The following SGIP1 variants were observed in gnomAD, a reference collection of about 807,000 sequenced individuals.
The protein encoded by SGIP1 is SH3GL interacting endocytic adaptor 1, also known as SH3-containing GRB2-like protein 3-interacting protein 1.
A neutral mutation model predicts 107.5 loss-of-function variants in SGIP1; 38 were observed. The observed-to-expected ratio is 0.35, with a 90% CI of 0.27 to 0.46. SGIP1 has a LOEUF of 0.46. Among genes scored for constraint, SGIP1 ranks in the 20% least tolerant of loss-of-function variants. SGIP1 has a pLI of 1.00. For synonymous variants in SGIP1, 365 were observed against 366.1 expected, an observed-to-expected ratio of 1.00 and a Z score of 0.03; for missense variants, 929 against 1,019.5, an observed-to-expected ratio of 0.91 and a Z score of 1.21.
chr1:66,610,317 T>A (rs1243263403), intron 1 of SGIP1, among the ~76,000 whole-genome samples: 2 of 152,182 alleles, frequency 1.3e-5, no homozygotes, highest in African/African-American at 4.8e-5. Flanking sequence ...TAGTTACTTA[T>A]TACACATATA....
At chr1:66,671,184 C>T (rs1348106185) in intron 10 of SGIP1, among the ~76,000 whole-genome samples, 165 bp downstream of exon 10, 1 of 152,108 alleles carries the variant, frequency 6.6e-6, no homozygotes, top group East Asian at 1.9e-4. Context: ...TGATAGAGGG[C>T]ACTTGTGGGT....
In SGIP1 at chr1:66,741,277, G is replaced by T. The variant is rs935053825; in HGVS notation, c.2305G>T (p.Gly769Cys). The change falls in exon 24 of 25, where the codon GGT (glycine) becomes TGT (cysteine). Residue 769 changes from glycine to cysteine, a missense_variant. Gly to Cys is a radical substitution (Grantham distance 159, BLOSUM62 -3). Transcript: ENST00000371037. ...ISQKSENGGV[G>C]SLLARFQLSE... ...AATAATGTGTTTTTTTTTAGGGGTG[G>T]GTTCTTTGTTGGCAAGATTTCAGTT... is the stretch of plus-strand genomic sequence containing the variant. 4 of 1,576,030 alleles carry T rather than the reference G, an allele frequency of 2.5e-6. No individual in the cohort carries two copies. Among genetic ancestry groups the T allele is most frequent in the South Asian group, 1.2e-5 (1 of 84,638 alleles).
At chr1:66,646,242 A>G (rs1206407103) in intron 7 of SGIP1, among the ~76,000 whole-genome samples, 1 of 152,184 alleles carries the variant, frequency 6.6e-6, no homozygotes, top group African/African-American at 2.4e-5. Flanking sequence ...CAAAATGACA[A>G]TGATTTTGGA....
intron 2 of SGIP1, chr1:66,628,297 A>C (rs2073420795): frequency 6.5e-6 from 1 of 154,266 alleles, no homozygotes; most frequent in South Asian, 2.0e-4. Context: ...TGATGCCTTC[A>C]CTAGATCAGA....
In SGIP1 at chr1:66,681,626, T is replaced by C. The variant is rs543539417; in HGVS notation, c.815-243T>C. ...CACTTTACATGATGGTCAAAGTAGC[T>C]AGCTGTGCTCAGCTTGCAAAAAAGA... On this transcript the variant is annotated intron_variant, in intron 14 of 24. Coordinates refer to ENST00000371037, the MANE Select transcript of SGIP1 (RefSeq NM_032291.4). Among the ~76,000 whole-genome samples the C allele has an allele frequency of 5.9e-5, 9 of 152,318 alleles. No homozygotes were observed. In the East Asian group the frequency reaches 1.5e-3, roughly 26 times the overall value.
intron 1 of SGIP1, among the ~76,000 whole-genome samples, chr1:66,606,839 A>T (rs1382092745): frequency 1.3e-5 from 2 of 152,100 alleles, no homozygotes; most frequent in East Asian, 3.8e-4. Context: ...CAGCCTGTAA[A>T]CTCCCAGGAA....
chr1:66,662,525 G>A (rs1420061454), intron 8 of SGIP1, among the ~76,000 whole-genome samples: 1 of 152,204 alleles, frequency 6.6e-6, no homozygotes, highest in African/African-American at 2.4e-5. Flanking sequence ...TAATAGAACT[G>A]CCGTGTCATA....
chr1:66,691,334 G>T (rs998859015), intron 17 of SGIP1, among the ~76,000 whole-genome samples: 1 of 152,154 alleles, frequency 6.6e-6, no homozygotes, highest in Admixed American at 6.5e-5. Flanking sequence ...TCTGGAGAAA[G>T]AACTGCCTAT....
intron 1 of SGIP1, among the ~76,000 whole-genome samples, chr1:66,556,588 TG>T (rs1249303799): frequency 1.3e-5 from 2 of 152,086 alleles, no homozygotes; most frequent in African/African-American, 2.4e-5. Context: ...TTGCAAAGCA[TG>T]GCCTTGGATA....
In SGIP1 at chr1:66,746,691, C is replaced by G. The variant is rs1046308958; in HGVS notation, c.*3596C>G. The G allele has an allele frequency of 1.6e-4, 24 of 152,036 alleles. No individual in the cohort carries two copies. The highest frequency in any genetic ancestry group is 5.8e-4 in the African/African-American group (24 of 41,416). The allele number at this position is 152,036 out of a possible 1,614,324, so 9.4% of individuals were successfully genotyped here. A position where few individuals can be genotyped will look rare whatever the true frequency, so the allele number is the denominator to read the frequency against. On this transcript the variant is annotated 3_prime_UTR_variant, in exon 25 of 25. Coordinates refer to ENST00000371037, the MANE Select transcript of SGIP1 (RefSeq NM_032291.4). The stretch of plus-strand genomic sequence containing the variant: ...CTGAGGCTTAAATAGAATAATCTCC[C>G]CAAAATGACACGGCAGCTGAAAGTA...
chr1:66,684,316 A>G (rs2150030472), intron 15 of SGIP1: 2 of 1,356,736 alleles, frequency 1.5e-6, no homozygotes, highest in South Asian at 2.9e-5. Flanking sequence ...GTCATCGACA[A>G]GATCACCAAA....
rs2094581223 is a variant in SGIP1, at chr1:66,748,380, G to C, written c.*5285G>C. The stretch of plus-strand genomic sequence containing the variant: ...AGTTGCACTGCTGACATCTAATTAA[G>C]ATCTAAATATATTTCATGAAGGAAT... On this transcript the variant is annotated 3_prime_UTR_variant, in exon 25 of 25. Transcript: ENST00000371037. 6.6e-6 allele frequency: 1 copy of C among 151,876 alleles called. No homozygotes were observed. The highest frequency in any genetic ancestry group is 2.4e-5 in the African/African-American group (1 of 41,390). The allele number at this position is 151,876 out of a possible 1,614,324, so 9.4% of individuals were successfully genotyped here.
chr1:66,708,220 G>A (rs1280280), intron 18 of SGIP1, among the ~76,000 whole-genome samples: 93,878 of 152,076 alleles, frequency 0.62, 29,723 homozygotes, highest in East Asian at 1. Flanking sequence ...GTGTACCTCA[G>A]AGAGATGTTT....
intron 7 of SGIP1, among the ~76,000 whole-genome samples, chr1:66,657,905 C>T (rs985166850): frequency 3.4e-4 from 52 of 152,084 alleles, no homozygotes; most frequent in Non-Finnish European, 6.5e-4. Context: ...CATTTTAAAT[C>T]GAAAACATCT....
At chr1:66,618,381 A>G (rs1558088063) in intron 1 of SGIP1, among the ~76,000 whole-genome samples, 1 of 152,214 alleles carries the variant, frequency 6.6e-6, no homozygotes, top group Non-Finnish European at 1.5e-5. Context: ...TAGATTGCAA[A>G]CATCAGCAAA....
rs984340809 is a variant in SGIP1, at chr1:66,743,733, A to T, written c.*638A>T. ...GAAAAGCATTAGTTACCACTTTTTAAAAAGCTTTTTTTTCAAACTGCAAAT... is the reference window on the plus strand; with the variant it reads ...GAAAAGCATTAGTTACCACTTTTTATAAAGCTTTTTTTTCAAACTGCAAAT... On this transcript the variant is annotated 3_prime_UTR_variant, in exon 25 of 25. Transcript: ENST00000371037. 3 of 152,756 alleles carry T rather than the reference A, an allele frequency of 2.0e-5. No individual in the cohort carries two copies. Among genetic ancestry groups the T allele is most frequent in the Non-Finnish European group, 4.4e-5 (3 of 68,016 alleles). The allele number at this position is 152,756 out of a possible 1,614,324, so 9.5% of individuals were successfully genotyped here.
intron 7 of SGIP1, among the ~76,000 whole-genome samples, chr1:66,644,314 G>T (rs1035663987): frequency 2.0e-5 from 3 of 151,388 alleles, no homozygotes; most frequent in African/African-American, 7.3e-5. Context: ...GTTCAAGTAG[G>T]TATTTTCCTA....
chr1:66,689,749 C>G (rs549813877), intron 16 of SGIP1, among the ~76,000 whole-genome samples: 31 of 152,334 alleles, frequency 2.0e-4, no homozygotes, highest in Non-Finnish European at 4.3e-4. Context: ...GGAAAACATT[C>G]TGTGTGAACA....
rs565894847 is a variant in SGIP1, at chr1:66,649,458, C to T, written c.459+5739C>T. On this transcript the variant is annotated intron_variant, in intron 7 of 24. Coordinates refer to ENST00000371037, the MANE Select transcript of SGIP1 (RefSeq NM_032291.4). ...CTGAAATGGGACAAACAAACAGCTA[C>T]CTTACAGGGTGGTTGTTGCCATGGT... 2.6e-5 allele frequency among the ~76,000 whole-genome samples: 4 copies of T among 152,200 alleles called. No homozygotes were observed. In the South Asian group the frequency reaches 8.3e-4, roughly 32 times the overall value.
Sources: allele counts gnomAD v4.1 joint callset (sites outside exome capture counted in the v4.1 genomes callset), GRCh38; gene constraint gnomAD v4.1.1; transcripts MANE v1.5; gene names NCBI Gene and HGNC (gene_info 2026-07-23, HGNC 2026-07-21).